The following FRAS1 variants were observed in gnomAD, a reference collection of about 807,000 sequenced individuals.
The protein encoded by FRAS1 is extracellular matrix organizing protein FRAS1.
Under a neutral mutation model 435.2 loss-of-function variants are expected in FRAS1, and 290 were observed. The observed-to-expected ratio is 0.67, with a 90% CI of 0.61 to 0.73. FRAS1 has a LOEUF of 0.73. Among genes scored for constraint, FRAS1 ranks in the 30% least tolerant of loss-of-function variants. The pLI is 0.00. For missense variants in FRAS1, 4,860 were observed against 5,001.5 expected, an observed-to-expected ratio of 0.97 and a Z score of 0.85; for synonymous variants, 1,800 against 1,851.0, an observed-to-expected ratio of 0.97 and a Z score of 0.71.
rs1407659205 is a variant in FRAS1 at position 78,087,514 on chromosome 4, C to A, written c.108+21498C>A. Among the ~76,000 whole-genome samples, 8 of 152,132 alleles carry A rather than the reference C, an allele frequency of 5.3e-5. 1 individual carries two copies. Among genetic ancestry groups the A allele is most frequent in the African/African-American group, 1.9e-4 (8 of 41,526 alleles). On this transcript the variant is annotated intron_variant, in intron 2 of 73. Coordinates refer to ENST00000512123, the MANE Select transcript of FRAS1 (RefSeq NM_025074.7). ...CTGTTTGCAGATGACATGATTGTAT[C>A]TGTAGAAAACCCCATGGTCTCAGCC...
chr4:78,186,173 G>T (rs1722258980), intron 2 of FRAS1, among the ~76,000 whole-genome samples: 1 of 152,092 alleles, frequency 6.6e-6, no homozygotes. Context: ...AAACAGCTTT[G>T]ATGAATGTCT....
At chr4:78,308,329 T>C in intron 15 of FRAS1, 120 bp downstream of exon 15, 1 of 1,019,986 alleles carries the variant, frequency 9.8e-7, no homozygotes, top group Non-Finnish European at 1.4e-6. Context: ...TGTGAATAGC[T>C]GCTGAGATTA....
intron 2 of FRAS1, among the ~76,000 whole-genome samples, chr4:78,092,368 C>T (rs1414775243): frequency 6.6e-6 from 1 of 152,088 alleles, no homozygotes. Context: ...GTTTATTGGA[C>T]TTACAGTTCC....
chr4:78,337,938 T>G, intron 20 of FRAS1, 121 bp downstream of exon 20: 1 of 932,604 alleles, frequency 1.1e-6, no homozygotes, highest in Non-Finnish European at 1.7e-6. Flanking sequence ...GACATTTGTT[T>G]CATGTCTGGA....
chr4:78,404,786 T>C (rs986214124), intron 30 of FRAS1, among the ~76,000 whole-genome samples: 3 of 152,218 alleles, frequency 2.0e-5, no homozygotes, highest in Non-Finnish European at 4.4e-5. Flanking sequence ...AGTCTTATAA[T>C]TGGTCAAACC....
intron 10 of FRAS1, among the ~76,000 whole-genome samples, chr4:78,279,555 G>T (rs1727226369): frequency 6.6e-6 from 1 of 152,312 alleles, no homozygotes; most frequent in Non-Finnish European, 1.5e-5. Flanking sequence ...AAGTGAACAG[G>T]CTCTAGATTT....
intron 20 of FRAS1, among the ~76,000 whole-genome samples, chr4:78,360,472 TA>T (rs1220202732): frequency 1.3e-5 from 2 of 151,852 alleles, no homozygotes; most frequent in African/African-American, 2.4e-5. Flanking sequence ...AAAAGAGAGA[TA>T]GGGGAAAACA....
chr4:78,245,239 G>T lies in FRAS1; in HGVS notation c.223G>T (p.Val75Leu). Reference protein sequence around the residue: ...NPQCAFEKGEVLQIAANQCCP... With the variant: ...NPQCAFEKGELLQIAANQCCP... The stretch of plus-strand genomic sequence containing the variant: ...GCTGCTTTTAAATGCTCAGGGAGAA[G>T]TGCTTCAAATAGCTGCCAACCAATG... The change falls in exon 4 of 74, where the codon GTG becomes TTG. Residue 75 changes from valine (V) to leucine (L), a missense_variant. By Grantham distance (32) the Val-to-Leu change is conservative (BLOSUM62 1). Coordinates refer to ENST00000512123, the MANE Select transcript of FRAS1 (RefSeq NM_025074.7). The T allele has an allele frequency of 6.2e-7, 1 of 1,604,550 alleles. No individual in the cohort carries two copies. The highest frequency in any genetic ancestry group is 8.5e-7 in the Non-Finnish European group (1 of 1,175,198).
chr4:78,209,249 TATATA>T (rs1300763366), intron 2 of FRAS1, among the ~76,000 whole-genome samples: 1 of 152,168 alleles, frequency 6.6e-6, no homozygotes, highest in African/African-American at 2.4e-5. Flanking sequence ...TTATACCCAT[TATATA>T]TGTACGTCCA....
intron 66 of FRAS1, among the ~76,000 whole-genome samples, chr4:78,518,098 C>CAG (rs1054968611): frequency 1.3e-5 from 2 of 149,276 alleles, no homozygotes; most frequent in African/African-American, 5.0e-5. Flanking sequence ...GTCTGGGCTA[C>CAG]AGAGAGAGAC....
intron 14 of FRAS1, among the ~76,000 whole-genome samples, chr4:78,292,125 T>G (rs951392585): frequency 2.0e-5 from 3 of 152,234 alleles, no homozygotes; most frequent in Non-Finnish European, 4.4e-5. Context: ...CATTCCTTTA[T>G]TTTTCAACCT....
chr4:78,199,542 C>T (rs932388377), intron 2 of FRAS1, among the ~76,000 whole-genome samples: 1 of 152,170 alleles, frequency 6.6e-6, no homozygotes, highest in African/African-American at 2.4e-5. Context: ...AGTAATTAAA[C>T]AAATCAGTAA....
Position 78,255,336 on chromosome 4 carries a change from G to A in FRAS1, c.564G>A (p.Gln188=). 2 of 1,586,306 alleles carry A rather than the reference G, an allele frequency of 1.3e-6. No individual in the cohort carries two copies. The highest frequency in any genetic ancestry group is 1.7e-6 in the Non-Finnish European group (2 of 1,165,644). The stretch of plus-strand genomic sequence containing the variant: ...GTCTGTGTAGAAATGGGGTTGCCCA[G>A]TGCTTCACAGCTCAGTGTCAGCCTC... ...AKCLCRNGVA[Q]CFTAQCQPLF... is the part of the protein sequence containing the mutation. The change falls in exon 6 of 74, where the codon CAG becomes CAA. Residue 188 remains glutamine, a synonymous_variant. Coordinates refer to ENST00000512123, the MANE Select transcript of FRAS1 (RefSeq NM_025074.7).
chr4:78,369,900 A>G lies in FRAS1; in HGVS notation c.2785A>G (p.Asn929Asp). 6.2e-7 allele frequency: 1 copy of G among 1,613,644 alleles called. No individual in the cohort carries two copies. Among genetic ancestry groups the G allele is most frequent in the East Asian group, 2.2e-5 (1 of 44,866 alleles). The change falls in exon 23 of 74, where the codon AAC becomes GAC. Residue 929 changes from asparagine to aspartate, a missense_variant. By Grantham distance (23) the Asn-to-Asp change is conservative. Coordinates refer to ENST00000512123, the MANE Select transcript of FRAS1 (RefSeq NM_025074.7). ...CAGCTGTACCTCCTGCCGAGATCCA[A>G]ACAAGGTTCTGCTCTTTGGGGAATG... ...QASCTSCRDP[N>D]KVLLFGECQY... is the part of the protein sequence containing the mutation.
chr4:78,386,764 T>C (rs1303392866), intron 28 of FRAS1, among the ~76,000 whole-genome samples: 1 of 152,164 alleles, frequency 6.6e-6, no homozygotes, highest in African/African-American at 2.4e-5. Context: ...AACCTGACAA[T>C]CCTAAGAAAA....
intron 6 of FRAS1, among the ~76,000 whole-genome samples, chr4:78,264,541 G>A (rs1560612683): frequency 6.6e-6 from 1 of 152,176 alleles, no homozygotes; most frequent in Non-Finnish European, 1.5e-5. Flanking sequence ...TTGAGTTTCA[G>A]GATGATTCAG....
intron 59 of FRAS1, among the ~76,000 whole-genome samples, chr4:78,491,019 C>T (rs1720335480): frequency 6.6e-6 from 1 of 152,126 alleles, no homozygotes; most frequent in Admixed American, 6.6e-5. Context: ...TCAAAGAATA[C>T]TATAAACACC....
chr4:78,533,377 C>T (rs1450348928), intron 70 of FRAS1, among the ~76,000 whole-genome samples: 1 of 152,068 alleles, frequency 6.6e-6, no homozygotes, highest in Admixed American at 6.5e-5. Flanking sequence ...GAGTAGAGAG[C>T]TGGTCCAGAG....
intron 6 of FRAS1, among the ~76,000 whole-genome samples, chr4:78,260,991 T>A (rs1490406277): frequency 6.6e-6 from 1 of 152,190 alleles, no homozygotes; most frequent in African/African-American, 2.4e-5. Context: ...ATTAATCATA[T>A]CTGTTCCAAT....
Sources: gnomAD v4.1 joint callset for allele counts (sites outside exome capture counted in the v4.1 genomes callset) on GRCh38, gnomAD v4.1.1 for gene constraint, MANE v1.5 for transcripts, NCBI Gene and HGNC (gene_info 2026-07-23, HGNC 2026-07-21) for gene names.